DHODH: variants seen among roughly 807,000 people sequenced by gnomAD.
DHODH encodes dihydroorotate dehydrogenase (quinone).
A neutral mutation model predicts 39.7 loss-of-function variants in DHODH; 30 were observed. The ratio of observed to expected loss-of-function variants is 0.76; its 90% CI spans 0.57 to 1.02. DHODH has a LOEUF of 1.02. Among genes scored for constraint, DHODH ranks in the 50% least tolerant of loss-of-function variants. The pLI is 0.00. For missense variants in DHODH, 531 were observed against 520.8 expected (o/e 1.02, Z -0.19); for synonymous variants, 222 against 213.8 (o/e 1.04, Z -0.34).
At position 72,014,647 on chromosome 16, in the gene DHODH, C is replaced by G. The variant is rs1351403072; in HGVS notation, c.409C>G (p.Pro137Ala). ...CCCTAGACCCAGAGTCTTCCGCCTC[C>G]CTGAGGACCAAGCTGTCATTAACAG... ...GNPRPRVFRL[P>A]EDQAVINRYG... is the part of the protein sequence containing the mutation. Residue 137 changes from proline to alanine, a missense_variant, in exon 3 of 9, where the codon CCT (proline) becomes GCT (alanine). Pro to Ala is a conservative substitution (Grantham distance 27). Coordinates refer to ENST00000219240, the MANE Select transcript of DHODH (RefSeq NM_001361.5). 6.2e-7 allele frequency: 1 copy of G among 1,614,118 alleles called. No individual in the cohort carries two copies. Among genetic ancestry groups the G allele is most frequent in the Non-Finnish European group, 8.5e-7 (1 of 1,180,028 alleles).
At position 72,014,532 on chromosome 16, in the gene DHODH, C is replaced by T. The variant is rs61747639; in HGVS notation, c.294C>T (p.Asp98=). ...CAGTAGGAATTGCTGCAGGATTTGA[C>T]AAGCATGGGGAAGCCGTGGACGGAC... is the stretch of plus-strand genomic sequence containing the variant. ...RNPVGIAAGF[D]KHGEAVDGLY... Residue 98 remains aspartate (D), a synonymous_variant, in exon 3 of 9, where the codon GAC becomes GAT. Transcript: ENST00000219240. 4,797 of 1,614,168 alleles carry T rather than the reference C, an allele frequency of 3.0e-3. 2 individuals are homozygous for T. The highest frequency in any genetic ancestry group is 3.6e-3 in the Non-Finnish European group (4,198 of 1,180,048).
chr16:72,015,988 T>G, intron 3 of DHODH: 1 of 526,642 alleles, frequency 1.9e-6, no homozygotes, highest in Non-Finnish European at 2.4e-6. Flanking sequence ...ACATTTGATA[T>G]TATTTTCTTC....
At chr16:72,022,313 C>A in intron 5 of DHODH, 49 bp from the exon 6 acceptor site, 1 of 1,387,354 alleles carries the variant, frequency 7.2e-7, no homozygotes, top group Non-Finnish European at 1.0e-6. Context: ...AGCTGCACTG[C>A]AGGGCTGTGG....
At position 72,023,523 on chromosome 16, in the gene DHODH, G is replaced by A. The variant is rs748785124; in HGVS notation, c.1023G>A (p.Ala341=). Residue 341 remains alanine (A), a synonymous_variant, in exon 8 of 9, where the codon GCG becomes GCA. Transcript: ENST00000219240. ...GVGGVSSGQD[A]LEKIRAGASL... ...GTGGTGTGAGCAGCGGGCAGGACGC[G>A]CTGGAGAAGATCCGGGCAGGGGCCT... is the stretch of plus-strand genomic sequence containing the variant. The A allele has an allele frequency of 7.4e-6, 12 of 1,614,088 alleles. No homozygotes were observed. In the East Asian group the frequency reaches 8.9e-5, roughly 12 times the overall value.
chr16:72,021,337 C>CCCTGTCCCACCAG (rs1265153549), intron 5 of DHODH, 26 bp downstream of exon 5: 10 of 1,576,710 alleles, frequency 6.3e-6, no homozygotes, highest in Admixed American at 1.8e-5. Context: ...CCTCTCCAGG[C>CCCTGTCCCACCAG]CCTGTCCCAC....
In DHODH at chr16:72,018,084, T is replaced by G. The variant is rs116851654; in HGVS notation, c.517+978T>G. 4.9e-3 allele frequency among the ~76,000 whole-genome samples: 700 copies of G among 143,240 alleles called. 13 individuals are homozygous for G. The highest frequency in any genetic ancestry group is 0.032 in the Admixed American group (465 of 14,518). The allele number at this position is 143,240 out of a possible 152,430, so 94.0% of individuals were successfully genotyped here. A position where few individuals can be genotyped will look rare whatever the true frequency, so the allele number is the denominator to read the frequency against. ...CCACCGCGCCTGGCCACAACATGCA[T>G]TTTTGAAGACGCCTCCGGCGATGCG... On this transcript the variant is annotated intron_variant, in intron 4 of 8. Coordinates refer to ENST00000219240, the MANE Select transcript of DHODH (RefSeq NM_001361.5).
chr16:72,011,235 C>A (rs2041078150), intron 1 of DHODH, among the ~76,000 whole-genome samples: 1 of 152,224 alleles, frequency 6.6e-6, no homozygotes, highest in Non-Finnish European at 1.5e-5. Context: ...CAGGAAAGCA[C>A]TGTACCATTC....
At chr16:72,018,649 C>T (rs2041170685) in intron 4 of DHODH, among the ~76,000 whole-genome samples, 2 of 152,196 alleles carry the variant, frequency 1.3e-5, no homozygotes, top group South Asian at 4.1e-4. Context: ...TGCAGCAGTG[C>T]TCTGCACGGA....
At chr16:72,015,545 C>T (rs576101935) in intron 3 of DHODH, 380 of 262,762 alleles carry the variant, frequency 1.4e-3, no homozygotes, top group Non-Finnish European at 2.1e-3. Flanking sequence ...CGATGGGCAT[C>T]TTTGGGGCCA....
intron 1 of DHODH, 92 bp from the exon 2 acceptor site, chr16:72,011,958 C>G: frequency 1.0e-6 from 1 of 997,162 alleles, no homozygotes; most frequent in South Asian, 1.3e-5. Context: ...TGTGACCTGC[C>G]GTTATGCCCT....
Position 72,016,883 on chromosome 16 carries a change from G to A in DHODH, c.435-141G>A, listed in dbSNP as rs1037050380. On this transcript the variant is annotated intron_variant, in intron 3 of 8. Transcript: ENST00000219240. ...TGGTGTTCTGGCAAGTTCTCTAGGA[G>A]TCCCAGTGGTGTTTAGACCCTGGAA... 7 of 748,704 alleles carry A rather than the reference G, an allele frequency of 9.3e-6. No individual in the cohort carries two copies. In the African/African-American group the frequency reaches 1.0e-4, roughly 11 times the overall value. 46.4% of individuals were successfully genotyped at this position (748,704 alleles called of 1,614,324 possible).
At chr16:72,009,258 C>G in intron 1 of DHODH, 2 of 401,292 alleles carry the variant, frequency 5.0e-6, no homozygotes, top group South Asian at 1.8e-4. Flanking sequence ...AATCCCAGCA[C>G]TTTGGGAGGC....
In DHODH at chr16:72,009,003, G is replaced by T. The variant is rs1372171604; in HGVS notation, c.21+218G>T. 2.1e-6 allele frequency: 3 copies of T among 1,463,028 alleles called. No homozygotes were observed. The African/African-American group carries it at 4.2e-5, about 21-fold the overall frequency. 90.6% of individuals were successfully genotyped at this position (1,463,028 alleles called of 1,614,324 possible). On this transcript the variant is annotated intron_variant, in intron 1 of 8. Transcript: ENST00000219240. ...GTGCAGACAGCGCCTGCAGGTCTGGGTGGGTGCTGATCTGAGTGTCTGCGC... is the reference window on the plus strand; with the variant it reads ...GTGCAGACAGCGCCTGCAGGTCTGGTTGGGTGCTGATCTGAGTGTCTGCGC...
chr16:72,014,579 T>C lies in DHODH; in HGVS notation c.341T>C (p.Phe114Ser). 1 of 1,614,128 alleles carries C rather than the reference T, an allele frequency of 6.2e-7. No homozygotes were observed. The highest frequency in any genetic ancestry group is 8.5e-7 in the Non-Finnish European group (1 of 1,180,026). The stretch of plus-strand genomic sequence containing the variant: ...GGACTTTATAAGATGGGCTTTGGTT[T>C]TGTTGAGATAGGAAGTGTGACTCCA... Reference protein sequence around the residue: ...VDGLYKMGFGFVEIGSVTPKP... With the variant: ...VDGLYKMGFGSVEIGSVTPKP... The change falls in exon 3 of 9, where the codon TTT becomes TCT. Residue 114 changes from phenylalanine (F) to serine (S), a missense_variant. By Grantham distance (155) the Phe-to-Ser change is radical (BLOSUM62 -2). Coordinates refer to ENST00000219240, the MANE Select transcript of DHODH (RefSeq NM_001361.5).
At chr16:72,011,374 C>T (rs2041079682) in intron 1 of DHODH, among the ~76,000 whole-genome samples, 1 of 152,186 alleles carries the variant, frequency 6.6e-6, no homozygotes, top group South Asian at 2.1e-4. Context: ...CACGGTGGCT[C>T]ATGCCTGTAA....
chr16:72,023,175 A>G lies in DHODH; in HGVS notation c.830A>G (p.Asp277Gly), dbSNP rs779229315. Residue 277 changes from aspartate (D) to glycine (G), a missense_variant, in exon 7 of 9, where the codon GAT becomes GGT. Coordinates refer to ENST00000219240, the MANE Select transcript of DHODH (RefSeq NM_001361.5). ...TATCTCGCACTGCAGTTGGGCATCG[A>G]TGGGCTGATTGTTACGAACACCACC... ...IASVVKELGI[D>G]GLIVTNTTVS... 1.2e-6 allele frequency: 2 copies of G among 1,614,068 alleles called. No homozygotes were observed. Among genetic ancestry groups the G allele is most frequent in the Non-Finnish European group, 1.7e-6 (2 of 1,180,014 alleles).
intron 4 of DHODH, 69 bp downstream of exon 4, chr16:72,017,175 C>A (rs909283293): frequency 6.7e-7 from 1 of 1,497,842 alleles, no homozygotes; most frequent in African/African-American, 1.4e-5. Context: ...ATGCTGGGAA[C>A]ATTTCTAGTG....
At chr16:72,017,794 G>A (rs1207354670) in intron 4 of DHODH, among the ~76,000 whole-genome samples, 2 of 45,474 alleles carry the variant, frequency 4.4e-5, no homozygotes, top group African/African-American at 2.7e-4. Flanking sequence ...TTTTTGAGAC[G>A]GAGTCTCGCT....
intron 4 of DHODH, among the ~76,000 whole-genome samples, chr16:72,020,088 C>T (rs559865791): frequency 1.0e-3 from 153 of 151,942 alleles, no homozygotes; most frequent in South Asian, 5.0e-3. Context: ...CCATCCTGGC[C>T]AACATGGTGA....
Sources: gnomAD v4.1 joint callset for allele counts (sites outside exome capture counted in the v4.1 genomes callset) on GRCh38, gnomAD v4.1.1 for gene constraint, MANE v1.5 for transcripts, NCBI Gene and HGNC (gene_info 2026-07-23, HGNC 2026-07-21) for gene names.